AGTPBP1: variants seen among roughly 807,000 people sequenced by gnomAD.
The protein encoded by AGTPBP1 is ATP/GTP binding carboxypeptidase 1.
In AGTPBP1, 70 loss-of-function variants were observed where a neutral mutation model predicts 143.9. That is an observed-to-expected ratio of 0.49 (90% confidence interval 0.40 to 0.59). The LOEUF is 0.59. Ranked by LOEUF, AGTPBP1 falls within the 20% of genes least tolerant of loss-of-function variation. The probability of loss-of-function intolerance (pLI) is 0.00; values close to 1 mark genes in which losing one functional copy is unlikely to be tolerated. For synonymous variants in AGTPBP1, 463 were observed against 500.2 expected, an observed-to-expected ratio of 0.93 and a Z score of 0.99; for missense variants, 1,229 against 1,464.5, an observed-to-expected ratio of 0.84 and a Z score of 2.62.
At chr9:85,753,682 G>A in the AGTPBP1 span, among the ~76,000 whole-genome samples, 23 of 151,836 alleles carry the variant, frequency 1.5e-4, no homozygotes, top group East Asian at 1.2e-3. Context: ...AACCCTGGAG[G>A]TGGAGGCTGC....
At chr9:85,547,319 T>C in intron 25 of AGTPBP1, 33 bp from the exon 26 acceptor site, 1 of 1,553,444 alleles carries the variant, frequency 6.4e-7, no homozygotes, top group Non-Finnish European at 8.7e-7. Flanking sequence ...ATACAAGACT[T>C]TGTGAGGTCT....
intron 25 of AGTPBP1, among the ~76,000 whole-genome samples, chr9:85,574,317 A>G (rs1351416284): frequency 6.6e-6 from 1 of 152,174 alleles, no homozygotes; most frequent in Non-Finnish European, 1.5e-5. Context: ...TCAAGTACCC[A>G]GGGACACAAA....
chr9:85,786,475 C>T, the AGTPBP1 span: 140 of 1,613,696 alleles, frequency 8.7e-5, 1 homozygote, highest in African/African-American at 1.3e-3. Context: ...GTCAAATTTC[C>T]GCCTTGGAAC....
rs149464803 is a variant in AGTPBP1 at position 85,720,354 on chromosome 9, A to T, written c.-33-7788T>A. 6.8e-3 allele frequency among the ~76,000 whole-genome samples: 1,032 copies of T among 152,304 alleles called. 12 individuals carry two copies. Among genetic ancestry groups the T allele is most frequent in the African/African-American group, 0.023 (947 of 41,556 alleles). On this transcript the variant is annotated intron_variant, in intron 1 of 25. Coordinates refer to ENST00000357081, the MANE Select transcript of AGTPBP1 (RefSeq NM_001330701.2). ...CAATTTCAGAACCTGTTATTGGTCT[A>T]TTCAGAGATTCAACTTCTTCCTGGT...
chr9:85,781,451 AATTG>A, the AGTPBP1 span: 1 of 1,345,412 alleles, frequency 7.4e-7, no homozygotes. Flanking sequence ...AGCCTTTACC[AATTG>A]ATTGGGTTAT....
chr9:85,647,998 T>C (rs1209617415), intron 11 of AGTPBP1, among the ~76,000 whole-genome samples: 1 of 152,152 alleles, frequency 6.6e-6, no homozygotes, highest in Non-Finnish European at 1.5e-5. Context: ...AGAGACAGCA[T>C]ACGGGTGGAA....
the AGTPBP1 span, among the ~76,000 whole-genome samples, chr9:85,797,024 A>C: frequency 2.6e-5 from 4 of 152,096 alleles, no homozygotes; most frequent in East Asian, 7.8e-4. Context: ...CGACCTCGTG[A>C]TCTGCCCGCC....
chr9:85,802,631 G>A, the AGTPBP1 span, among the ~76,000 whole-genome samples: 4 of 152,148 alleles, frequency 2.6e-5, no homozygotes, highest in Non-Finnish European at 5.9e-5. Flanking sequence ...CCTAGAGTAG[G>A]CTAAACTGCT....
In AGTPBP1 at chr9:85,589,693, T is replaced by C; in HGVS notation, c.2569-12A>G. 1 of 1,600,768 alleles carries C rather than the reference T, an allele frequency of 6.2e-7. No homozygotes were observed. Among genetic ancestry groups the C allele is most frequent in the South Asian group, 1.1e-5 (1 of 88,802 alleles). On this transcript the variant is annotated splice_polypyrimidine_tract_variant and intron_variant, in intron 19 of 25. Coordinates refer to ENST00000357081, the MANE Select transcript of AGTPBP1 (RefSeq NM_001330701.2). The stretch of plus-strand genomic sequence containing the variant: ...TTTTGAAGATGCATCTTGATAAAAA[T>C]TTTAAAACAAAATATACAATCACTT...
chr9:85,634,799 G>C (rs1046994608), intron 13 of AGTPBP1, among the ~76,000 whole-genome samples: 1 of 152,124 alleles, frequency 6.6e-6, no homozygotes, highest in Non-Finnish European at 1.5e-5. Flanking sequence ...TGGAACTGCA[G>C]AATCAGATAT....
At chr9:85,660,628 A>C (rs931784340) in intron 9 of AGTPBP1, among the ~76,000 whole-genome samples, 2 of 152,132 alleles carry the variant, frequency 1.3e-5, no homozygotes, top group Non-Finnish European at 2.9e-5. Flanking sequence ...TTACTTTCAA[A>C]ACATGATACT....
At chr9:85,636,259 CTTTT>C (rs35445993) in intron 13 of AGTPBP1, among the ~76,000 whole-genome samples, 2 of 118,540 alleles carry the variant, frequency 1.7e-5, no homozygotes, top group Non-Finnish European at 1.8e-5. Flanking sequence ...TGTAAGGTTT[CTTTT>C]TTTTTTTTTT....
In AGTPBP1 at chr9:85,601,453, G is replaced by A. The variant is rs188949239; in HGVS notation, c.2336-5004C>T. ...GCCATGTCAACCAGCGCTGGCACCT[G>A]AGCACTCCTCCCAGGGGTCTGCGGA... On this transcript the variant is annotated intron_variant, in intron 17 of 25. Coordinates refer to ENST00000357081, the MANE Select transcript of AGTPBP1 (RefSeq NM_001330701.2). Among the ~76,000 whole-genome samples the A allele has an allele frequency of 6.1e-3, 924 of 152,256 alleles. 8 individuals are homozygous for A. Among genetic ancestry groups the A allele is most frequent in the Middle Eastern group, 0.014 (4 of 294 alleles).
the AGTPBP1 span, among the ~76,000 whole-genome samples, chr9:85,771,640 T>C: frequency 6.6e-6 from 1 of 151,300 alleles, no homozygotes; most frequent in Non-Finnish European, 1.5e-5. Context: ...TGGAGTGCTT[T>C]GACATAGATA....
At chr9:85,635,842 A>AC (rs1344756988) in intron 13 of AGTPBP1, among the ~76,000 whole-genome samples, 11 of 151,542 alleles carry the variant, frequency 7.3e-5, no homozygotes, top group South Asian at 2.1e-4. Context: ...AAAAAAAAAA[A>AC]CACGTAAAAA....
the AGTPBP1 span, among the ~76,000 whole-genome samples, chr9:85,769,377 T>C: frequency 6.6e-6 from 1 of 151,802 alleles, no homozygotes; most frequent in Non-Finnish European, 1.5e-5. Flanking sequence ...ACATAACATG[T>C]ATTTGGATAG....
At chr9:85,782,035 C>G in the AGTPBP1 span, among the ~76,000 whole-genome samples, 1 of 152,064 alleles carries the variant, frequency 6.6e-6, no homozygotes, top group Non-Finnish European at 1.5e-5. Context: ...CTAATACTTT[C>G]TAATAATTCT....
At chr9:85,636,514 C>G (rs994785247) in intron 13 of AGTPBP1, among the ~76,000 whole-genome samples, 4 of 152,072 alleles carry the variant, frequency 2.6e-5, no homozygotes, top group Non-Finnish European at 5.9e-5. Context: ...CTCTTGGCCT[C>G]CCAAAGTGCT....
At chr9:85,745,718 C>G (rs907743856), upstream of AGTPBP1, among the ~76,000 whole-genome samples, 7 of 152,098 alleles carry the variant, frequency 4.6e-5, no homozygotes, top group Admixed American at 6.5e-5. Flanking sequence ...AACTTAAAGG[C>G]CAGGTGTGGT....
Sources: gnomAD v4.1 joint callset for allele counts (sites outside exome capture counted in the v4.1 genomes callset) on GRCh38, gnomAD v4.1.1 for gene constraint, MANE v1.5 for transcripts, NCBI Gene and HGNC (gene_info 2026-07-23, HGNC 2026-07-21) for gene names.